Variants in PCDHA1 observed in about 807,000 individuals in gnomAD.
PCDHA1 encodes protocadherin alpha-1.
A neutral mutation model predicts 61.3 loss-of-function variants in PCDHA1; 42 were observed. That is an observed-to-expected ratio of 0.69 (90% CI 0.54 to 0.89). PCDHA1 has a LOEUF of 0.89. PCDHA1 is among the 40% of genes least tolerant of loss of function. PCDHA1 has a pLI of 0.00. For missense variants in PCDHA1, 1,256 were observed against 1,235.3 expected, an observed-to-expected ratio of 1.02 and a Z score of -0.25; for synonymous variants, 610 against 553.8, an observed-to-expected ratio of 1.10 and a Z score of -1.43.
intron 1 of PCDHA1, chr5:140,822,694 C>T (rs2150118650): frequency 1.2e-6 from 2 of 1,609,840 alleles, no homozygotes; most frequent in Non-Finnish European, 1.7e-6. Context: ...TAACGGGGAA[C>T]TGGATTATGA....
At position 140,787,374 on chromosome 5, in the gene PCDHA1, GACGCTCCAC is replaced by G; in HGVS notation, c.1085_1093del (p.Asp362_Leu365delinsVal). On this transcript the variant is annotated inframe_deletion, in exon 1 of 4. Transcript: ENST00000504120. Reference sequence around the variant, plus strand: ...TTCATTGTATTTGCCTATCAGAGAGGACGCTCCACTCAGCACCGTCATCGCCCTCATCAC... The same window carrying G: ...TTCATTGTATTTGCCTATCAGAGAGGTCAGCACCGTCATCGCCCTCATCAC... 1 of 1,614,178 alleles carries G rather than the reference GACGCTCCAC, an allele frequency of 6.2e-7. No homozygotes were observed. The highest frequency in any genetic ancestry group is 8.5e-7 in the Non-Finnish European group (1 of 1,180,040).
intron 1 of PCDHA1, chr5:140,810,694 A>G (rs963072160): frequency 6.6e-6 from 1 of 151,434 alleles, no homozygotes. Context: ...TTTTGCTTCC[A>G]TAGAACTTTA....
rs1468060918 is a variant in PCDHA1, at chr5:140,848,352, T to G, written c.2394+59668T>G. Reference sequence around the variant, plus strand: ...TGAATCCAGACAAATACAGCCCTTTTCCCATGGGAAAGAGGCTCAATTCTT... The same window carrying G: ...TGAATCCAGACAAATACAGCCCTTTGCCCATGGGAAAGAGGCTCAATTCTT... On this transcript the variant is annotated intron_variant, in intron 1 of 3. Coordinates refer to ENST00000504120, the MANE Select transcript of PCDHA1 (RefSeq NM_018900.4). 8.0e-6 allele frequency: 8 copies of G among 1,002,918 alleles called. 1 individual carries two copies. The highest frequency in any genetic ancestry group is 1.2e-5 in the Non-Finnish European group (8 of 671,932). The allele number at this position is 1,002,918 out of a possible 1,614,324, so 62.1% of individuals were successfully genotyped here. A position where few individuals can be genotyped will look rare whatever the true frequency, so the allele number is the denominator to read the frequency against.
rs1342638858 is a variant in PCDHA1 at position 140,800,974 on chromosome 5, A to G, written c.2394+12290A>G. 4 of 1,267,784 alleles carry G rather than the reference A, an allele frequency of 3.2e-6. No homozygotes were observed. In the African/African-American group the frequency reaches 6.0e-5, roughly 19 times the overall value. The allele number at this position is 1,267,784 out of a possible 1,614,324, so 78.5% of individuals were successfully genotyped here. The stretch of plus-strand genomic sequence containing the variant: ...CATACAAGGAAAAGAAGATACGTTT[A>G]CATATTTAATACTTACACGTTTAGC... On this transcript the variant is annotated intron_variant, in intron 1 of 3. Transcript: ENST00000504120.
At chr5:140,939,987 C>T (rs2092516961) in intron 1 of PCDHA1, among the ~76,000 whole-genome samples, 1 of 152,060 alleles carries the variant, frequency 6.6e-6, no homozygotes. Flanking sequence ...TGAATTGTTT[C>T]TCCTTGGATT....
intron 2 of PCDHA1, 179 bp from the exon 3 acceptor site, chr5:140,982,296 C>G (rs886254601): frequency 8.6e-7 from 1 of 1,167,014 alleles, no homozygotes; most frequent in African/African-American, 1.5e-5. Context: ...AGTAAGTCAG[C>G]AATGCTTCTG....
intron 1 of PCDHA1, chr5:140,830,270 C>G: frequency 1.2e-6 from 2 of 1,613,610 alleles, no homozygotes; most frequent in Non-Finnish European, 1.7e-6. Flanking sequence ...CTCGGCGCCA[C>G]CCACCGAGGG....
intron 1 of PCDHA1, among the ~76,000 whole-genome samples, chr5:140,911,460 G>A (rs1346001317): frequency 1.3e-5 from 2 of 152,140 alleles, no homozygotes; most frequent in African/African-American, 4.8e-5. Context: ...TTTCTCTACA[G>A]GAGATAAGAC....
intron 1 of PCDHA1, among the ~76,000 whole-genome samples, chr5:140,899,418 C>T (rs552409062): frequency 1.3e-5 from 2 of 152,254 alleles, no homozygotes; most frequent in African/African-American, 4.8e-5. Context: ...TGAATTTTGT[C>T]AAAGGTCTTT....
chr5:140,875,450 C>A, intron 1 of PCDHA1: 1 of 1,590,616 alleles, frequency 6.3e-7, no homozygotes, highest in Non-Finnish European at 8.6e-7. Context: ...ATTGTCCCAA[C>A]TCAGAGGCCC....
chr5:140,813,152 C>T (rs1337802214), intron 1 of PCDHA1: 1 of 152,080 alleles, frequency 6.6e-6, no homozygotes, highest in Non-Finnish European at 1.5e-5. Flanking sequence ...TCTGTTAGTT[C>T]CATTTCAGCT....
chr5:140,915,077 C>G (rs2076970768), intron 1 of PCDHA1, among the ~76,000 whole-genome samples: 1 of 151,656 alleles, frequency 6.6e-6, no homozygotes. Flanking sequence ...TACTGAGTAG[C>G]TGGGACTATG....
In PCDHA1 at chr5:140,786,266, A is replaced by G. The variant is rs782098907; in HGVS notation, c.-25A>G. 6.4e-6 allele frequency: 10 copies of G among 1,559,512 alleles called. No homozygotes were observed. In the East Asian group the frequency reaches 9.0e-5, roughly 14 times the overall value. On this transcript the variant is annotated 5_prime_UTR_variant, in exon 1 of 4. Coordinates refer to ENST00000504120, the MANE Select transcript of PCDHA1 (RefSeq NM_018900.4). ...CATGATTTTGAAGTAAGAGGAGAGC[A>G]TAAGAAAGGTGTAGTCCTTTTGCAA...
chr5:140,796,518 C>G (rs1169490682), intron 1 of PCDHA1: 31 of 1,612,312 alleles, frequency 1.9e-5, no homozygotes, highest in Non-Finnish European at 2.5e-5. Context: ...GCAAGGTGTA[C>G]GCGCTGCAGC....
At chr5:141,006,837 TG>T (rs1477008780) in intron 3 of PCDHA1, among the ~76,000 whole-genome samples, 2 of 152,186 alleles carry the variant, frequency 1.3e-5, no homozygotes, top group African/African-American at 4.8e-5. Context: ...TGTAATTTAC[TG>T]AAACTGGAAA....
chr5:140,953,881 A>G (rs1481970999), intron 1 of PCDHA1, among the ~76,000 whole-genome samples: 2 of 152,130 alleles, frequency 1.3e-5, no homozygotes, highest in Non-Finnish European at 2.9e-5. Flanking sequence ...AGATCAACCC[A>G]TCACCTAGGT....
At chr5:140,817,006 T>A (rs1766044039) in intron 1 of PCDHA1, 1 of 152,096 alleles carries the variant, frequency 6.6e-6, no homozygotes, top group South Asian at 2.1e-4. Context: ...CATTTTACTC[T>A]CTCTTTCCCT....
At chr5:140,827,938 A>G (rs1554130936) in intron 1 of PCDHA1, 1 of 1,127,878 alleles carries the variant, frequency 8.9e-7, no homozygotes, top group African/African-American at 1.6e-5. Flanking sequence ...AGTTATAGCT[A>G]GCCAACATTC....
chr5:140,873,211 T>C (rs560514188), intron 1 of PCDHA1, among the ~76,000 whole-genome samples: 2 of 152,272 alleles, frequency 1.3e-5, no homozygotes, highest in Admixed American at 6.5e-5. Flanking sequence ...TCTTTAAGTA[T>C]TAAAGAGAAG....
Sources: allele counts gnomAD v4.1 joint callset (sites outside exome capture counted in the v4.1 genomes callset), GRCh38; gene constraint gnomAD v4.1.1; transcripts MANE v1.5; gene names NCBI Gene and HGNC (gene_info 2026-07-23, HGNC 2026-07-21).